The following PARP8 variants were observed in gnomAD, a reference collection of about 807,000 sequenced individuals.
PARP8 encodes poly(ADP-ribose) polymerase family member 8.
A neutral mutation model predicts 124.1 loss-of-function variants in PARP8; 51 were observed. That is an observed-to-expected ratio of 0.41 (90% CI 0.33 to 0.52). The LOEUF is 0.52. Ranked by LOEUF, PARP8 falls within the 20% of genes least tolerant of loss-of-function variation. The pLI is 0.21. For missense variants in PARP8, 860 were observed against 1,018.9 expected (o/e 0.84, Z 2.12); for synonymous variants, 391 against 361.5 (o/e 1.08, Z -0.93).
At position 50,667,703 on chromosome 5, in the gene PARP8, A is replaced by G. The variant is rs113116700; in HGVS notation, c.92-368A>G. ...CCCCTCCGACTGGCAAAGAGAAGGG[A>G]TTCCTCGGATTCCCAAGGCACCCAG... On this transcript the variant is annotated intron_variant, in intron 1 of 25. Transcript: ENST00000281631. The G allele has an allele frequency of 6.4e-4, 449 of 699,338 alleles. 2 individuals carry two copies. In the African/African-American group the frequency reaches 7.0e-3, roughly 11 times the overall value. 43.3% of individuals were successfully genotyped at this position (699,338 alleles called of 1,614,324 possible). A position where few individuals can be genotyped will look rare whatever the true frequency, so the allele number is the denominator to read the frequency against.
At chr5:50,824,832 G>T in intron 17 of PARP8, 76 bp from the exon 18 acceptor site, 1 of 1,183,928 alleles carries the variant, frequency 8.4e-7, no homozygotes, top group Non-Finnish European at 1.3e-6. Flanking sequence ...CATATCGTTT[G>T]GTCTGATTTT....
rs140101426 is a variant in PARP8 at position 50,729,618 on chromosome 5, T to A, written c.147-20533T>A. 3.2e-3 allele frequency among the ~76,000 whole-genome samples: 491 copies of A among 152,314 alleles called. 1 individual carries two copies. Among genetic ancestry groups the A allele is most frequent in the Non-Finnish European group, 5.1e-3 (349 of 68,014 alleles). On this transcript the variant is annotated intron_variant, in intron 2 of 25. Transcript: ENST00000281631. ...GGAATAAATTTTGTTTTTCTTGCCGTTCAGAAAGCTTACTCTTTCTGAGTT... is the reference window on the plus strand; with the variant it reads ...GGAATAAATTTTGTTTTTCTTGCCGATCAGAAAGCTTACTCTTTCTGAGTT...
intron 3 of PARP8, among the ~76,000 whole-genome samples, chr5:50,758,794 A>G (rs1173521600): frequency 2.6e-5 from 4 of 152,198 alleles, no homozygotes; most frequent in African/African-American, 7.2e-5. Flanking sequence ...TTGTATTACC[A>G]TATACTTGGA....
rs1161843005 is a variant in PARP8, at chr5:50,843,133, T to G, written c.*1065T>G. On this transcript the variant is annotated 3_prime_UTR_variant, in exon 26 of 26. Coordinates refer to ENST00000281631, the MANE Select transcript of PARP8 (RefSeq NM_024615.4). ...TTCTTTTATATTAAAAGACCACAAA[T>G]AAGTTTATAGAGAACAGTAACACCA... 1 of 151,666 alleles carries G rather than the reference T, an allele frequency of 6.6e-6. No homozygotes were observed. Among genetic ancestry groups the G allele is most frequent in the African/African-American group, 2.4e-5 (1 of 41,350 alleles). The allele number at this position is 151,666 out of a possible 1,614,324, so 9.4% of individuals were successfully genotyped here.
intron 2 of PARP8, among the ~76,000 whole-genome samples, chr5:50,738,715 T>TAAAAAAAAAAAAAAAAAAGAAA (rs71612375): frequency 7.4e-6 from 1 of 135,530 alleles, no homozygotes; most frequent in Non-Finnish European, 1.6e-5. Flanking sequence ...GCTGATAAGT[T>TAAAAAAAAAAAAAAAAAAGAAA]AAAAAAAAAA....
At chr5:50,718,142 G>A (rs1755508492) in intron 2 of PARP8, among the ~76,000 whole-genome samples, 1 of 151,870 alleles carries the variant, frequency 6.6e-6, no homozygotes, top group African/African-American at 2.4e-5. Context: ...GAAATAAGGG[G>A]AATTTTTAAA....
chr5:50,738,282 C>A (rs1031927843), intron 2 of PARP8, among the ~76,000 whole-genome samples: 2 of 152,060 alleles, frequency 1.3e-5, no homozygotes, highest in Non-Finnish European at 2.9e-5. Flanking sequence ...TTATCTTTGG[C>A]GAGCAGAAAA....
At chr5:50,792,744 T>A (rs1237166382) in intron 10 of PARP8, among the ~76,000 whole-genome samples, 3 of 152,158 alleles carry the variant, frequency 2.0e-5, no homozygotes, top group African/African-American at 7.2e-5. Context: ...TACTGTGAAT[T>A]TGGAATCATG....
At chr5:50,705,367 G>A (rs901772398) in intron 2 of PARP8, among the ~76,000 whole-genome samples, 3 of 152,048 alleles carry the variant, frequency 2.0e-5, no homozygotes, top group Non-Finnish European at 4.4e-5. Context: ...TCACCAAGGT[G>A]CAAAACAGTT....
chr5:50,695,924 C>CTT (rs1204122050), intron 2 of PARP8, among the ~76,000 whole-genome samples: 1 of 152,072 alleles, frequency 6.6e-6, no homozygotes, highest in African/African-American at 2.4e-5. Context: ...GTTGAATTTA[C>CTT]TGTTAATTTT....
rs1757771149 is a variant in PARP8, at chr5:50,739,180, C to G, written c.147-10971C>G. On this transcript the variant is annotated intron_variant, in intron 2 of 25. Transcript: ENST00000281631. ...GTGTAGGACACAGGCTAGGTAACTC[C>G]TTTCCTTCCATTGCAGGGGGATCTG... 3 of 648,304 alleles carry G rather than the reference C, an allele frequency of 4.6e-6. No individual in the cohort carries two copies. In the Admixed American group the frequency reaches 6.2e-5, roughly 13 times the overall value. The allele number at this position is 648,304 out of a possible 1,614,324, so 40.2% of individuals were successfully genotyped here. A position where few individuals can be genotyped will look rare whatever the true frequency, so the allele number is the denominator to read the frequency against.
chr5:50,719,684 G>A (rs1011560045), intron 2 of PARP8, among the ~76,000 whole-genome samples: 7 of 151,820 alleles, frequency 4.6e-5, no homozygotes, highest in East Asian at 1.9e-4. Flanking sequence ...AAATATTGGC[G>A]GTGTTTTTGG....
At chr5:50,697,790 C>T (rs1441529204) in intron 2 of PARP8, among the ~76,000 whole-genome samples, 21 of 152,150 alleles carry the variant, frequency 1.4e-4, no homozygotes, top group African/African-American at 3.6e-4. Flanking sequence ...TAGTAATAGA[C>T]GGAGGATATT....
chr5:50,822,411 C>T lies in PARP8; in HGVS notation c.1860+11C>T. ...AGAGAAATGACACAAGTAAGTATGT[C>T]ATCTGGTCTTGTACAGTATATTTTT... On this transcript the variant is annotated intron_variant, in intron 17 of 25. Transcript: ENST00000281631. The T allele has an allele frequency of 6.3e-7, 1 of 1,589,590 alleles. No homozygotes were observed.
At chr5:50,678,547 G>A (rs1391586328) in intron 2 of PARP8, among the ~76,000 whole-genome samples, 8 of 151,754 alleles carry the variant, frequency 5.3e-5, no homozygotes, top group Non-Finnish European at 1.0e-4. Context: ...CATATATATG[G>A]ATAGATAAAT....
At chr5:50,747,811 C>G (rs1758772397) in intron 2 of PARP8, among the ~76,000 whole-genome samples, 1 of 114,820 alleles carries the variant, frequency 8.7e-6, no homozygotes, top group African/African-American at 3.2e-5. Flanking sequence ...CTCGCTCTGT[C>G]GCCCAGGCTA....
chr5:50,781,946 C>T (rs898074677), intron 9 of PARP8, among the ~76,000 whole-genome samples: 29 of 152,128 alleles, frequency 1.9e-4, no homozygotes, highest in Admixed American at 4.6e-4. Context: ...CTCCTGAGAA[C>T]AATTCCGAAT....
At chr5:50,801,194 G>A (rs746309742) in intron 14 of PARP8, among the ~76,000 whole-genome samples, 9 of 151,792 alleles carry the variant, frequency 5.9e-5, no homozygotes, top group Admixed American at 2.0e-4. Context: ...TCTGCCTCCC[G>A]GGTTCAAGTG....
chr5:50,736,219 T>C (rs1310536381), intron 2 of PARP8, among the ~76,000 whole-genome samples: 1 of 152,096 alleles, frequency 6.6e-6, no homozygotes, highest in Non-Finnish European at 1.5e-5. Flanking sequence ...TGTGACACAT[T>C]GATTTATGTC....
Sources: allele counts gnomAD v4.1 joint callset (sites outside exome capture counted in the v4.1 genomes callset), GRCh38; gene constraint gnomAD v4.1.1; transcripts MANE v1.5; gene names NCBI Gene and HGNC (gene_info 2026-07-23, HGNC 2026-07-21).